Variants in RGS12 observed in about 807,000 individuals in gnomAD.
The protein encoded by RGS12 is regulator of G protein signaling 12.
A neutral mutation model predicts 120.1 loss-of-function variants in RGS12; 66 were observed. The ratio of observed to expected loss-of-function variants is 0.55; its 90% CI spans 0.45 to 0.67. The LOEUF (loss-of-function observed/expected upper bound fraction) is 0.67, where lower values mean the gene tolerates loss of function less well. Among genes scored for constraint, RGS12 ranks in the 30% least tolerant of loss-of-function variants. The pLI is 0.00. For synonymous variants in RGS12, 827 were observed against 804.7 expected, an observed-to-expected ratio of 1.03 and a Z score of -0.47; for missense variants, 1,859 against 1,957.7, an observed-to-expected ratio of 0.95 and a Z score of 0.95.
At position 3,439,804 on chromosome 4, in the gene RGS12, G is replaced by T. The variant is rs1725170988; in HGVS notation, c.*120G>T. 3 of 1,013,988 alleles carry T rather than the reference G, an allele frequency of 3.0e-6. No individual in the cohort carries two copies. The highest frequency in any genetic ancestry group is 3.2e-5 in the Admixed American group (1 of 30,812). 62.8% of individuals were successfully genotyped at this position (1,013,988 alleles called of 1,614,324 possible). On this transcript the variant is annotated 3_prime_UTR_variant, in exon 18 of 18. Coordinates refer to ENST00000336727, the MANE Select transcript of RGS12 (RefSeq NM_001394154.1). ...CACCCTCAGGAGCCCAGCCAGGAGGGCAGGGGGTGACCTCGCTGGAGGCAC... is the reference window on the plus strand; with the variant it reads ...CACCCTCAGGAGCCCAGCCAGGAGGTCAGGGGGTGACCTCGCTGGAGGCAC...
intron 3 of RGS12, among the ~76,000 whole-genome samples, chr4:3,378,981 C>T (rs1717973294): frequency 6.6e-6 from 1 of 150,542 alleles, no homozygotes; most frequent in South Asian, 2.1e-4. Flanking sequence ...GATATGAAAA[C>T]CTAAGGGATA....
At chr4:3,393,723 C>G (rs1370375363) in intron 4 of RGS12, among the ~76,000 whole-genome samples, 1 of 152,190 alleles carries the variant, frequency 6.6e-6, no homozygotes, top group East Asian at 1.9e-4. Context: ...TACTGTCTGG[C>G]AGGAGGGGAA....
intron 3 of RGS12, among the ~76,000 whole-genome samples, chr4:3,344,107 T>C (rs1713554623): frequency 6.6e-6 from 1 of 152,110 alleles, no homozygotes; most frequent in Non-Finnish European, 1.5e-5. Flanking sequence ...GCATGAGCGG[T>C]GTGGCCAGAC....
At chr4:3,295,379 G>A (rs1280839516) in intron 1 of RGS12, among the ~76,000 whole-genome samples, 1 of 152,148 alleles carries the variant, frequency 6.6e-6, no homozygotes, top group Non-Finnish European at 1.5e-5. Context: ...ATCAGGCTGG[G>A]CTGGGTGCAG....
intron 3 of RGS12, among the ~76,000 whole-genome samples, chr4:3,346,081 C>T (rs545983871): frequency 2.8e-4 from 43 of 152,230 alleles, no homozygotes; most frequent in African/African-American, 9.9e-4. Context: ...CCTTAATTTT[C>T]CCAGAAGAAT....
intron 3 of RGS12, among the ~76,000 whole-genome samples, chr4:3,344,500 C>T (rs1349936078): frequency 6.6e-6 from 1 of 152,248 alleles, no homozygotes; most frequent in East Asian, 1.9e-4. Flanking sequence ...TCATGAGGAA[C>T]TCACTGTGTG....
intron 4 of RGS12, among the ~76,000 whole-genome samples, chr4:3,401,789 C>T (rs936351954): frequency 2.6e-5 from 4 of 152,386 alleles, no homozygotes; most frequent in African/African-American, 9.6e-5. Flanking sequence ...GAGAAGGAGG[C>T]GGTGGCCTCA....
rs766710662 is a variant in RGS12 at position 3,439,415 on chromosome 4, C to T, written c.4115-40C>T. On this transcript the variant is annotated intron_variant, in intron 17 of 17. Transcript: ENST00000336727. ...GGGGTGGGTTCCGGGGGCCCAGGGC[C>T]GGGCCAGGCAAGTGACAGCTTCTCT... 1.7e-5 allele frequency: 27 copies of T among 1,602,886 alleles called. No homozygotes were observed. In the East Asian group the frequency reaches 1.8e-4, roughly 11 times the overall value.
intron 5 of RGS12, 33 bp from the exon 6 acceptor site, chr4:3,414,718 CA>C (rs757612620): frequency 1.4e-6 from 2 of 1,436,834 alleles, no homozygotes; most frequent in South Asian, 2.3e-5. Flanking sequence ...GACCCTGTGT[CA>C]GTGTTAATAA....
Position 3,361,914 on chromosome 4 carries a change from C to A in RGS12, c.1998+18861C>A, listed in dbSNP as rs954521202. Among the ~76,000 whole-genome samples the A allele has an allele frequency of 3.9e-5, 6 of 152,288 alleles. No individual in the cohort carries two copies. In the East Asian group the frequency reaches 7.7e-4, roughly 20 times the overall value. ...TCAGTGCCTCTCACAGGACAGGCTC[C>A]TGGTAGAGCTGTGTTCTTGGGACTG... is the stretch of plus-strand genomic sequence containing the variant. On this transcript the variant is annotated intron_variant, in intron 3 of 17. Coordinates refer to ENST00000336727, the MANE Select transcript of RGS12 (RefSeq NM_001394154.1).
At chr4:3,427,112 G>A (rs757984477) in intron 14 of RGS12, among the ~76,000 whole-genome samples, 1 of 152,132 alleles carries the variant, frequency 6.6e-6, no homozygotes, top group Non-Finnish European at 1.5e-5. Context: ...ACCCTTCCCC[G>A]AGCCCACCCT....
chr4:3,319,051 G>A (rs1725008732), intron 2 of RGS12, among the ~76,000 whole-genome samples: 1 of 152,156 alleles, frequency 6.6e-6, no homozygotes, highest in African/African-American at 2.4e-5. Context: ...AGTAGGAAAG[G>A]CCGTGTTTGA....
In RGS12 at chr4:3,372,511, G is replaced by A. The variant is rs1275693813; in HGVS notation, c.1999-13905G>A. Reference sequence around the variant, plus strand: ...CTTCCCCGATGTTCCCCCTGTGCTCGAGCTAGGGGTTTGACTTTAGTCCTC... The same window carrying A: ...CTTCCCCGATGTTCCCCCTGTGCTCAAGCTAGGGGTTTGACTTTAGTCCTC... On this transcript the variant is annotated intron_variant, in intron 3 of 17. Transcript: ENST00000336727. The surrounding 1 kb of genome is among the most constrained non-coding windows in gnomAD (Gnocchi z 4.3). Among the ~76,000 whole-genome samples the A allele has an allele frequency of 3.3e-5, 5 of 152,326 alleles. No individual in the cohort carries two copies. The highest frequency in any genetic ancestry group is 1.9e-4 in the East Asian group (1 of 5,180).
Position 3,417,468 on chromosome 4 carries a change from G to A in RGS12, c.2688G>A (p.Ala896=), listed in dbSNP as rs201467142. ...DEDSEKKRKG[A]FFSWSRTRST... ...ACAGCGAGAAGAAGCGGAAAGGCGC[G>A]TTTTTCTCGTGGTCGCGGACCAGGA... The change falls in exon 9 of 18, where the codon GCG becomes GCA. Residue 896 remains alanine (A), a synonymous_variant. Transcript: ENST00000336727. 41 of 1,613,348 alleles carry A rather than the reference G, an allele frequency of 2.5e-5. No homozygotes were observed. The highest frequency in any genetic ancestry group is 2.2e-4 in the East Asian group (10 of 44,870).
At chr4:3,288,744 G>T (rs749510003), upstream of RGS12, among the ~76,000 whole-genome samples, 33 of 152,282 alleles carry the variant, frequency 2.2e-4, no homozygotes, top group South Asian at 6.2e-4. The surrounding 1 kb of genome is among the most constrained non-coding windows in gnomAD (Gnocchi z 5.2). Context: ...AAAGGGATCC[G>T]GTCCCCGTGA....
rs1723120247 is a variant in RGS12, at chr4:3,422,473, A to G, written c.2936A>G (p.Lys979Arg). Reference sequence around the variant, plus strand: ...GGGACATCCTGCGTGGTGGCTGTCAAGGCGGGCTTCTCCATCAAAGACATC... The same window carrying G: ...GGGACATCCTGCGTGGTGGCTGTCAGGGCGGGCTTCTCCATCAAAGACATC... ...PDGTSCVVAV[K>R]AGFSIKDILS... The change falls in exon 11 of 18, where the codon AAG becomes AGG. Residue 979 changes from lysine (K) to arginine (R), a missense_variant. Lys to Arg is a conservative substitution (Grantham distance 26, BLOSUM62 2). Transcript: ENST00000336727. 2 of 1,613,108 alleles carry G rather than the reference A, an allele frequency of 1.2e-6. No individual in the cohort carries two copies. Among genetic ancestry groups the G allele is most frequent in the Non-Finnish European group, 1.7e-6 (2 of 1,179,982 alleles).
At chr4:3,288,346 A>G (rs1433922388), upstream of RGS12, among the ~76,000 whole-genome samples, 2 of 152,108 alleles carry the variant, frequency 1.3e-5, no homozygotes, top group African/African-American at 4.8e-5. The surrounding 1 kb of genome is among the most constrained non-coding windows in gnomAD (Gnocchi z 5.2). Flanking sequence ...CCCACTGGGC[A>G]GGAAGGGTGT....
intron 1 of RGS12, 97 bp downstream of exon 1, chr4:3,293,196 G>A (rs1049906172): frequency 2.2e-3 from 317 of 146,100 alleles, no homozygotes; most frequent in African/African-American, 7.2e-3. Flanking sequence ...TCCGCCTCCC[G>A]GCCGATCCCG....
intron 2 of RGS12, among the ~76,000 whole-genome samples, chr4:3,328,613 C>T (rs960360650): frequency 6.6e-6 from 1 of 152,118 alleles, no homozygotes; most frequent in African/African-American, 2.4e-5. Flanking sequence ...TCAGTTATAG[C>T]AACAGGAAAT....
Sources: gnomAD v4.1 joint callset for allele counts (sites outside exome capture counted in the v4.1 genomes callset) on GRCh38, gnomAD v4.1.1 for gene constraint, Gnocchi (gnomAD v3.1) non-coding constraint, MANE v1.5 for transcripts, NCBI Gene and HGNC (gene_info 2026-07-23, HGNC 2026-07-21) for gene names.